Variants in DST observed in about 807,000 individuals in gnomAD.
DST encodes the protein bullous pemphigoid antigen.
In DST, 253 loss-of-function variants were observed where a neutral mutation model predicts 875.2. The observed-to-expected ratio is 0.29, with a 90% CI of 0.26 to 0.32. The LOEUF is 0.32. DST is among the 10% of genes least tolerant of loss of function. The pLI, the probability that DST is intolerant of heterozygous loss-of-function variation, is 1.00. For synonymous variants in DST, 3,124 were observed against 3,197.1 expected, an observed-to-expected ratio of 0.98 and a Z score of 0.77; for missense variants, 8,287 against 9,111.6, an observed-to-expected ratio of 0.91 and a Z score of 3.68.
intron 5 of DST, among the ~76,000 whole-genome samples, chr6:56,730,118 T>C (rs1016736340): frequency 1.1e-4 from 16 of 152,220 alleles, no homozygotes; most frequent in Non-Finnish European, 1.9e-4. Flanking sequence ...CTGATCAGTA[T>C]TGAAGAATAT....
At position 56,629,260 on chromosome 6, in the gene DST, T is replaced by C; in HGVS notation, c.4465A>G (p.Ile1489Val). Residue 1489 changes from isoleucine to valine, a missense_variant, in exon 32 of 104, where the codon ATT (isoleucine) becomes GTT (valine). Ile to Val is a conservative substitution (Grantham distance 29). Transcript: ENST00000680361. ...VERWQNVHVQ[I>V]DNRLRDLEGI... ...AAAAAGGATACTAACCTGTTGTCAA[T>C]CTGCACATGAACATTTTGCCACCTT... 6.2e-7 allele frequency: 1 copy of C among 1,613,722 alleles called. No individual in the cohort carries two copies. Among genetic ancestry groups the C allele is most frequent in the Non-Finnish European group, 8.5e-7 (1 of 1,179,720 alleles).
chr6:56,601,654 T>C lies in DST; in HGVS notation c.11330A>G (p.His3777Arg). ...AGTAGTCTCCAGCTGCATTTTGGTA[T>C]GTCCAAGGTCTTTTAATACATTCTG... is the stretch of plus-strand genomic sequence containing the variant. Reference protein sequence around the residue: ...FLKNVLKDLGHTKMQLETTAF... With the variant: ...FLKNVLKDLGRTKMQLETTAF... Residue 3777 changes from histidine to arginine, a missense_variant, in exon 44 of 104, where the codon CAT (histidine) becomes CGT (arginine). His to Arg is a conservative substitution (Grantham distance 29). Around this residue, in one of 10 missense-constraint regions of DST, gnomAD observed 3,138 missense variants for 3,116.6 expected, o/e 1.01. Coordinates refer to ENST00000680361, the MANE Select transcript of DST (RefSeq NM_001374736.1). 1 of 1,586,020 alleles carries C rather than the reference T, an allele frequency of 6.3e-7. No homozygotes were observed. Among genetic ancestry groups the C allele is most frequent in the Non-Finnish European group, 8.6e-7 (1 of 1,164,876 alleles).
At chr6:56,579,765 A>G (rs2152640421) in intron 49 of DST, among the ~76,000 whole-genome samples, 1 of 152,318 alleles carries the variant, frequency 6.6e-6, no homozygotes, top group African/African-American at 2.4e-5. Flanking sequence ...ATAGGCCTGG[A>G]AAGGCTTCAA....
At chr6:56,777,018 T>C (rs1181374875) in intron 4 of DST, among the ~76,000 whole-genome samples, 1 of 152,232 alleles carries the variant, frequency 6.6e-6, no homozygotes, top group East Asian at 1.9e-4. Context: ...TTGGTCATCC[T>C]AACATGGTCC....
intron 4 of DST, among the ~76,000 whole-genome samples, chr6:56,821,860 A>G (rs2099773392): frequency 6.6e-6 from 1 of 152,204 alleles, no homozygotes; most frequent in African/African-American, 2.4e-5. Flanking sequence ...AGGCAAATAC[A>G]TGAACTCAGA....
intron 17 of DST, among the ~76,000 whole-genome samples, 153 bp from the exon 18 acceptor site, chr6:56,640,758 A>G (rs1682671311): frequency 6.6e-6 from 1 of 152,202 alleles, no homozygotes; most frequent in Non-Finnish European, 1.5e-5. Flanking sequence ...CAAGATGTAA[A>G]TAACAGGGGA....
Position 56,651,206 on chromosome 6 carries a change from C to T in DST, c.1253G>A (p.Ser418Asn), listed in dbSNP as rs1453431075. 4 of 1,610,830 alleles carry T rather than the reference C, an allele frequency of 2.5e-6. No individual in the cohort carries two copies. Among genetic ancestry groups the T allele is most frequent in the Non-Finnish European group, 3.4e-6 (4 of 1,178,490 alleles). The change falls in exon 11 of 104, where the codon AGC (serine) becomes AAC (asparagine). Residue 418 changes from serine (S) to asparagine (N), a missense_variant. This residue lies in a region of DST where 1,160 missense variants were observed against 1,424.3 expected (regional missense o/e 0.81). Transcript: ENST00000680361. ...LIDMNTVAVQ[S>N]NLANLEHAFY... The stretch of plus-strand genomic sequence containing the variant: ...AGCATGCTCTAAATTTGCAAGGTTG[C>T]TTTGAACAGCAACAGTATTCATATC...
chr6:56,681,874 C>T (rs562159261), intron 9 of DST, among the ~76,000 whole-genome samples: 24 of 152,294 alleles, frequency 1.6e-4, no homozygotes, highest in Middle Eastern at 6.8e-3. Context: ...GGAGAAGAGG[C>T]TTTATTACCT....
At chr6:56,471,866 T>G in intron 94 of DST, 193 bp downstream of exon 94, 1 of 633,132 alleles carries the variant, frequency 1.6e-6, no homozygotes, top group Non-Finnish European at 2.8e-6. Flanking sequence ...TAAATCCAAA[T>G]CCCATATATC....
chr6:56,535,249 C>G lies in DST; in HGVS notation c.16814G>C (p.Cys5605Ser), dbSNP rs1198301994. 4 of 1,611,508 alleles carry G rather than the reference C, an allele frequency of 2.5e-6. No individual in the cohort carries two copies. The highest frequency in any genetic ancestry group is 3.4e-6 in the Non-Finnish European group (4 of 1,179,134). ...AAQLQEALLH[C>S]GRFQDALESL... ...CTCCAGGGCATCCTGGAACCTCCCA[C>G]AGTGCAGCAAGGCCTCCTGCAGCTG... Residue 5605 changes from cysteine to serine, a missense_variant, in exon 63 of 104, where the codon TGT becomes TCT. Cys to Ser is a moderately radical substitution (Grantham distance 112). Coordinates refer to ENST00000680361, the MANE Select transcript of DST (RefSeq NM_001374736.1).
intron 3 of DST, among the ~76,000 whole-genome samples, chr6:56,890,612 A>G (rs570795940): frequency 7.7e-4 from 118 of 152,346 alleles, no homozygotes; most frequent in Middle Eastern, 3.4e-3. Context: ...TTTATTAGTG[A>G]TCCCCATTAC....
intron 5 of DST, among the ~76,000 whole-genome samples, chr6:56,733,927 T>A (rs1245797715): frequency 6.6e-6 from 1 of 152,002 alleles, no homozygotes; most frequent in Non-Finnish European, 1.5e-5. Context: ...AAGATAAAAA[T>A]TTAGAAAAGG....
chr6:56,767,395 T>C (rs1358752324), intron 4 of DST, among the ~76,000 whole-genome samples: 2 of 152,148 alleles, frequency 1.3e-5, no homozygotes, highest in East Asian at 1.9e-4. Context: ...AGTGGGCAGA[T>C]CACTTGAGGT....
chr6:56,546,347 C>CATATATATATATATAT (rs10617867), intron 61 of DST, among the ~76,000 whole-genome samples: 4 of 72,638 alleles, frequency 5.5e-5, no homozygotes, highest in Admixed American at 2.0e-4. Flanking sequence ...ATACATATTT[C>CATATATATATATATAT]ATATATATAT....
At chr6:56,613,363 C>T (rs539363139) in intron 37 of DST, among the ~76,000 whole-genome samples, 12 of 152,046 alleles carry the variant, frequency 7.9e-5, no homozygotes, top group South Asian at 2.1e-4. Context: ...TAAACTTCTC[C>T]AAGAAAGAAC....
Position 56,504,049 on chromosome 6 carries a change from G to A in DST, c.19514C>T (p.Ser6505Phe). Residue 6505 changes from serine (S) to phenylalanine (F), a missense_variant, in exon 78 of 104, where the codon TCT becomes TTT. Coordinates refer to ENST00000680361, the MANE Select transcript of DST (RefSeq NM_001374736.1). ...DIAGGKLASM[S>F]PIGTDLETVK... ...AGTTTCGAGATCTGTTCCAATTGGA[G>A]ACATTGAAGCTAATTTACCACCTGC... is the stretch of plus-strand genomic sequence containing the variant. 1 of 1,609,304 alleles carries A rather than the reference G, an allele frequency of 6.2e-7. No homozygotes were observed. The highest frequency in any genetic ancestry group is 8.5e-7 in the Non-Finnish European group (1 of 1,177,992).
At chr6:56,599,950 A>G (rs1234263258) in intron 45 of DST, 119 bp downstream of exon 45, 1 of 891,790 alleles carries the variant, frequency 1.1e-6, no homozygotes, top group Admixed American at 2.9e-5. Flanking sequence ...CGTCTTGGGT[A>G]TGCCTTGCTT....
chr6:56,483,246 T>A (rs1388463175), intron 88 of DST, among the ~76,000 whole-genome samples: 2 of 152,200 alleles, frequency 1.3e-5, no homozygotes. Flanking sequence ...GGTGTCCCAA[T>A]TTCTCTCAAA....
At chr6:56,490,389 T>C (rs2095696307) in intron 85 of DST, among the ~76,000 whole-genome samples, 1 of 151,912 alleles carries the variant, frequency 6.6e-6, no homozygotes, top group African/African-American at 2.4e-5. Context: ...TTATAAATTA[T>C]TTGTCACAAT....
Sources: gnomAD v4.1 joint callset for allele counts (sites outside exome capture counted in the v4.1 genomes callset) on GRCh38, gnomAD v4.1.1 for gene constraint, gnomAD v4.1.1 regional missense constraint, MANE v1.5 for transcripts, NCBI Gene and HGNC (gene_info 2026-07-23, HGNC 2026-07-21) for gene names.